The following NAV2 variants were observed in gnomAD, a reference collection of about 807,000 sequenced individuals.
The protein encoded by NAV2 is neuron navigator 2.
Under a neutral mutation model 223.2 loss-of-function variants are expected in NAV2, and 54 were observed. The ratio of observed to expected loss-of-function variants is 0.24; its 90% CI spans 0.19 to 0.30. The LOEUF (loss-of-function observed/expected upper bound fraction) is 0.30. NAV2 is among the 10% of genes least tolerant of loss of function. The probability of loss-of-function intolerance (pLI) is 1.00; values close to 1 mark genes in which losing one functional copy is unlikely to be tolerated. For missense variants in NAV2, 2,806 were observed against 3,147.5 expected, an observed-to-expected ratio of 0.89 and a Z score of 2.60; for synonymous variants, 1,279 against 1,239.3, an observed-to-expected ratio of 1.03 and a Z score of -0.67.
intron 36 of NAV2, among the ~76,000 whole-genome samples, chr11:20,108,887 A>G (rs2062396265): frequency 6.6e-6 from 1 of 152,210 alleles, no homozygotes; most frequent in Admixed American, 6.5e-5. Flanking sequence ...TAACACTCAC[A>G]GTTAGTAATC....
intron 1 of NAV2, among the ~76,000 whole-genome samples, chr11:19,574,389 A>C (rs1269509641): frequency 6.6e-6 from 1 of 152,196 alleles, no homozygotes; most frequent in East Asian, 1.9e-4. Context: ...GTAGGTGCTC[A>C]ATAAATGTTA....
chr11:19,588,301 T>C (rs1864201154), intron 1 of NAV2, among the ~76,000 whole-genome samples: 1 of 152,204 alleles, frequency 6.6e-6, no homozygotes, highest in Non-Finnish European at 1.5e-5. Flanking sequence ...TTTAAAATTA[T>C]ATAAATTTGG....
chr11:19,792,882 C>T lies in NAV2; in HGVS notation c.268-39602C>T, dbSNP rs116830946. Reference sequence around the variant, plus strand: ...AGGGAAGGCAGTGGAAGACAGGGAGCGCCTGACAGCTCAGTTTTGAGTGAG... The same window carrying T: ...AGGGAAGGCAGTGGAAGACAGGGAGTGCCTGACAGCTCAGTTTTGAGTGAG... On this transcript the variant is annotated intron_variant, in intron 1 of 37. Coordinates refer to ENST00000349880, the MANE Select transcript of NAV2 (RefSeq NM_145117.5). 5.0e-3 allele frequency among the ~76,000 whole-genome samples: 758 copies of T among 150,614 alleles called. 7 individuals are homozygous for T. The highest frequency in any genetic ancestry group is 0.017 in the African/African-American group (710 of 40,954).
chr11:19,706,165 A>T (rs1371046763), intron 1 of NAV2, among the ~76,000 whole-genome samples: 1 of 152,236 alleles, frequency 6.6e-6, no homozygotes, highest in Non-Finnish European at 1.5e-5. Flanking sequence ...AAGTGAAAGT[A>T]GTCACAGTCT....
intron 1 of NAV2, among the ~76,000 whole-genome samples, chr11:19,393,895 G>GTTTTTTT (rs5790072): frequency 6.6e-5 from 9 of 136,180 alleles, no homozygotes; most frequent in African/African-American, 1.1e-4. Context: ...TAACTTAAGG[G>GTTTTTTT]TTTTTTTTTT....
rs542991713 is a variant in NAV2, at chr11:19,578,155, A to G, written c.75+227128A>G. Among the ~76,000 whole-genome samples the G allele has an allele frequency of 1.1e-4, 16 of 152,304 alleles. No individual in the cohort carries two copies. In the East Asian group the frequency reaches 3.1e-3, roughly 29 times the overall value. On this transcript the variant is annotated intron_variant, in intron 1 of 37. Transcript: ENST00000360655. ...TTTTGTGGCTGTAAGAGAAGCAAAT[A>G]GCAGTTCATGCATCTCCAGTGCAGA...
chr11:19,420,374 A>T (rs1305171496), intron 1 of NAV2, among the ~76,000 whole-genome samples: 2 of 152,224 alleles, frequency 1.3e-5, no homozygotes, highest in African/African-American at 4.8e-5. Flanking sequence ...AACTGTCAGT[A>T]TCCACTAACC....
intron 1 of NAV2, among the ~76,000 whole-genome samples, chr11:19,793,206 C>CAAAAAAAAA (rs557365857): frequency 1.4e-4 from 8 of 58,232 alleles, no homozygotes; most frequent in Admixed American, 1.8e-4. Context: ...CACTCTGTCT[C>CAAAAAAAAA]AAAAAAAAAA....
chr11:19,923,528 A>G (rs1420150185), intron 6 of NAV2, among the ~76,000 whole-genome samples: 4 of 152,208 alleles, frequency 2.6e-5, no homozygotes, highest in Non-Finnish European at 5.9e-5. Flanking sequence ...GGAGGCTCCT[A>G]TTTGGGGCTG....
Position 19,581,646 on chromosome 11 carries a change from G to C in NAV2, c.75+230619G>C, listed in dbSNP as rs374513420. ...TTTTTTGTCCTTGTGATAGTTTGCT[G>C]AGAATGATGGTTTCCAGCTTCATCC... On this transcript the variant is annotated intron_variant, in intron 1 of 37. Transcript: ENST00000360655. 3.9e-3 allele frequency among the ~76,000 whole-genome samples: 597 copies of C among 152,198 alleles called. 2 individuals are homozygous for C. Among genetic ancestry groups the C allele is most frequent in the Non-Finnish European group, 5.6e-3 (381 of 68,010 alleles).
At chr11:19,363,435 C>T (rs1206221148) in intron 1 of NAV2, among the ~76,000 whole-genome samples, 1 of 152,260 alleles carries the variant, frequency 6.6e-6, no homozygotes, top group Non-Finnish European at 1.5e-5. Flanking sequence ...CCTCATTTTA[C>T]AGGTGAGAAA....
At chr11:19,598,894 G>T (rs933834388) in intron 1 of NAV2, among the ~76,000 whole-genome samples, 2 of 152,168 alleles carry the variant, frequency 1.3e-5, no homozygotes, top group Non-Finnish European at 2.9e-5. Flanking sequence ...GTGTGTGTGT[G>T]TGTGCATTTG....
chr11:19,783,369 T>A (rs1206958840), intron 1 of NAV2, among the ~76,000 whole-genome samples: 1 of 152,188 alleles, frequency 6.6e-6, no homozygotes, highest in Non-Finnish European at 1.5e-5. Flanking sequence ...TAGAACCTGT[T>A]AGTTCCAATC....
intron 1 of NAV2, among the ~76,000 whole-genome samples, chr11:19,764,350 T>C (rs1283696096): frequency 1.3e-5 from 2 of 152,196 alleles, no homozygotes; most frequent in Admixed American, 6.5e-5. Flanking sequence ...ACAAGAAAAT[T>C]TTATTGTCCC....
At chr11:19,802,660 T>A (rs764395414) in intron 1 of NAV2, among the ~76,000 whole-genome samples, 1 of 149,768 alleles carries the variant, frequency 6.7e-6, no homozygotes, top group Non-Finnish European at 1.5e-5. Context: ...CAGTGAGCTA[T>A]GCTCATGCCA....
upstream of NAV2, among the ~76,000 whole-genome samples, chr11:19,710,268 C>T (rs1441605060): frequency 6.6e-6 from 1 of 152,204 alleles, no homozygotes; most frequent in African/African-American, 2.4e-5. Flanking sequence ...CTCCTGCTGT[C>T]TGTGCTACTC....
At chr11:19,445,180 A>G (rs2632011) in intron 1 of NAV2, among the ~76,000 whole-genome samples, 139,300 of 152,120 alleles carry the variant, frequency 0.92, 63,819 homozygotes, top group Middle Eastern at 0.94. Context: ...ACAGACAGTC[A>G]AACACGGGAA....
At chr11:19,551,814 GAT>G (rs1268576039) in intron 1 of NAV2, among the ~76,000 whole-genome samples, 2 of 152,080 alleles carry the variant, frequency 1.3e-5, no homozygotes, top group Non-Finnish European at 2.9e-5. Context: ...GGTTATCCTG[GAT>G]GGGATTTATT....
At chr11:20,055,559 T>TG (rs1298416240) in intron 18 of NAV2, among the ~76,000 whole-genome samples, 2 of 152,212 alleles carry the variant, frequency 1.3e-5, no homozygotes, top group Non-Finnish European at 2.9e-5. Flanking sequence ...CCCAGAGCCT[T>TG]GCTTTGGAGC....
Sources: gnomAD v4.1 joint callset for allele counts (sites outside exome capture counted in the v4.1 genomes callset) on GRCh38, gnomAD v4.1.1 for gene constraint, MANE v1.5 for transcripts, NCBI Gene and HGNC (gene_info 2026-07-23, HGNC 2026-07-21) for gene names.